LRP1B: variants seen among roughly 807,000 people sequenced by gnomAD.
The protein encoded by LRP1B is low-density lipoprotein receptor-related protein 1B.
LRP1B carries 217 observed loss-of-function variants against 556.6 expected under a neutral mutation model. That is an observed-to-expected ratio of 0.39 (90% confidence interval 0.35 to 0.44). LRP1B has a LOEUF of 0.44. Among genes scored for constraint, LRP1B ranks in the 20% least tolerant of loss-of-function variants. The pLI is 1.00. For missense variants in LRP1B, 5,053 were observed against 5,620.8 expected (o/e 0.90, Z 3.23); for synonymous variants, 2,047 against 1,865.8 (o/e 1.10, Z -2.50).
chr2:140,919,571 G>C (rs1177889980), intron 21 of LRP1B, among the ~76,000 whole-genome samples: 1 of 151,976 alleles, frequency 6.6e-6, no homozygotes, highest in African/African-American at 2.4e-5. Context: ...ATGTGGGACA[G>C]CTTTATTTCT....
At chr2:141,575,547 A>G (rs933462869) in intron 2 of LRP1B, among the ~76,000 whole-genome samples, 1 of 152,208 alleles carries the variant, frequency 6.6e-6, no homozygotes, top group African/African-American at 2.4e-5. Context: ...ATGGGCAAAG[A>G]CTTCATGACA....
rs556911702 is a variant in LRP1B, at chr2:141,850,999, G to T, written c.83-40598C>A. Among the ~76,000 whole-genome samples the T allele has an allele frequency of 6.6e-5, 10 of 151,754 alleles. No homozygotes were observed. The East Asian group carries it at 1.8e-3, about 27-fold the overall frequency. Reference sequence around the variant, plus strand: ...ACAGCCTTCCCATAAAATATTAACCGCTCACAATAAAATCCCTTCACAAGG... The same window carrying T: ...ACAGCCTTCCCATAAAATATTAACCTCTCACAATAAAATCCCTTCACAAGG... On this transcript the variant is annotated intron_variant, in intron 1 of 90. Coordinates refer to ENST00000389484, the MANE Select transcript of LRP1B (RefSeq NM_018557.3).
At chr2:141,426,256 C>T (rs955388106) in intron 3 of LRP1B, among the ~76,000 whole-genome samples, 1 of 151,726 alleles carries the variant, frequency 6.6e-6, no homozygotes, top group South Asian at 2.1e-4. Flanking sequence ...TTTTTGAGGG[C>T]TCTGTTCTGT....
intron 1 of LRP1B, among the ~76,000 whole-genome samples, chr2:141,845,778 A>C (rs1470128881): frequency 6.6e-6 from 1 of 152,048 alleles, no homozygotes; most frequent in Non-Finnish European, 1.5e-5. Context: ...ATAGAAAAAT[A>C]ACAAGAATAT....
intron 66 of LRP1B, among the ~76,000 whole-genome samples, chr2:140,396,877 C>T (rs902753623): frequency 6.6e-6 from 1 of 152,114 alleles, no homozygotes; most frequent in Non-Finnish European, 1.5e-5. Context: ...TTTTGGTTGT[C>T]AGCACTGATT....
At chr2:141,355,501 C>G (rs929063374) in intron 3 of LRP1B, among the ~76,000 whole-genome samples, 1 of 152,014 alleles carries the variant, frequency 6.6e-6, no homozygotes, top group African/African-American at 2.4e-5. Flanking sequence ...AACCACTAAT[C>G]TACTTTCCAC....
chr2:140,529,992 AG>A (rs1690617677), intron 47 of LRP1B, among the ~76,000 whole-genome samples: 29 of 152,122 alleles, frequency 1.9e-4, no homozygotes, highest in Admixed American at 1.9e-3. Flanking sequence ...CCCCAAAAAG[AG>A]AAGAAACCAA....
chr2:140,998,254 T>C (rs1054335933), intron 15 of LRP1B, among the ~76,000 whole-genome samples: 1 of 152,064 alleles, frequency 6.6e-6, no homozygotes, highest in Non-Finnish European at 1.5e-5. Flanking sequence ...GTAAGGCACA[T>C]TGAAAAATTC....
chr2:141,901,381 C>T (rs1699614773), intron 1 of LRP1B, among the ~76,000 whole-genome samples: 1 of 151,880 alleles, frequency 6.6e-6, no homozygotes, highest in African/African-American at 2.4e-5. Flanking sequence ...CAGTTTGCTG[C>T]AAAATTAGAT....
At chr2:141,929,941 C>T (rs1256716512) in intron 1 of LRP1B, among the ~76,000 whole-genome samples, 3 of 123,394 alleles carry the variant, frequency 2.4e-5, no homozygotes, top group African/African-American at 9.2e-5. Flanking sequence ...AAAAAAAAGA[C>T]AGTTAATGCA....
At chr2:141,818,816 G>A (rs1696655562) in intron 1 of LRP1B, among the ~76,000 whole-genome samples, 1 of 151,616 alleles carries the variant, frequency 6.6e-6, no homozygotes, top group Non-Finnish European at 1.5e-5. Flanking sequence ...GACTACAGGC[G>A]TGAGCTACCG....
At chr2:140,465,283 GA>G (rs1474527569) in intron 60 of LRP1B, among the ~76,000 whole-genome samples, 1 of 152,076 alleles carries the variant, frequency 6.6e-6, no homozygotes, top group African/African-American at 2.4e-5. Context: ...CCTCCCACCA[GA>G]CCCCAACTCT....
chr2:141,120,060 T>C (rs1701007546), intron 7 of LRP1B, among the ~76,000 whole-genome samples: 1 of 151,918 alleles, frequency 6.6e-6, no homozygotes, highest in Non-Finnish European at 1.5e-5. Flanking sequence ...GCAGTATGGG[T>C]ACCTTCCACT....
At chr2:140,904,646 A>C (rs10170474) in intron 22 of LRP1B, among the ~76,000 whole-genome samples, 75,968 of 151,868 alleles carry the variant, frequency 0.5, 19,979 homozygotes, top group Middle Eastern at 0.62. Flanking sequence ...TGTTTTCTCT[A>C]ACAATTCAAT....
Position 140,922,997 on chromosome 2 carries a change from T to A in LRP1B, c.3287A>T (p.Asp1096Val), listed in dbSNP as rs1694784862. 2 of 1,612,582 alleles carry A rather than the reference T, an allele frequency of 1.2e-6. No homozygotes were observed. The highest frequency in any genetic ancestry group is 1.7e-6 in the Non-Finnish European group (2 of 1,179,124). The change falls in exon 21 of 91, where the codon GAC becomes GTC. Residue 1096 changes from aspartate (D) to valine (V), a missense_variant. By Grantham distance (152) the Asp-to-Val change is radical. This residue lies in a region of LRP1B where 3,619 missense variants were observed against 3,931.9 expected (regional missense o/e 0.92). Transcript: ENST00000389484. ...CCAACAGGAAAACTTGGTTTTGTGG[T>A]CACACAATCGTATGGTACCATTGCA... ...KGCNGTIRLC[D>V]HKTKFSCWST...
intron 2 of LRP1B, among the ~76,000 whole-genome samples, chr2:141,498,100 A>G (rs999858454): frequency 2.6e-5 from 4 of 152,064 alleles, no homozygotes; most frequent in Non-Finnish European, 5.9e-5. Flanking sequence ...CCTATATAAC[A>G]TTAGTATTTG....
intron 7 of LRP1B, among the ~76,000 whole-genome samples, chr2:141,177,115 A>G (rs1680771095): frequency 6.6e-6 from 1 of 152,024 alleles, no homozygotes; most frequent in Non-Finnish European, 1.5e-5. Flanking sequence ...AATTATTATT[A>G]TTTGTTTTAA....
chr2:142,116,833 G>A (rs193238099), intron 1 of LRP1B, among the ~76,000 whole-genome samples: 70 of 152,210 alleles, frequency 4.6e-4, no homozygotes, highest in Middle Eastern at 3.4e-3. Context: ...TCAGTGTGTG[G>A]TAATAGAGCA....
chr2:140,966,506 C>T (rs1696227362), intron 18 of LRP1B, among the ~76,000 whole-genome samples: 1 of 152,134 alleles, frequency 6.6e-6, no homozygotes, highest in African/African-American at 2.4e-5. Flanking sequence ...GTTGCCTGTT[C>T]ACTCTGATGG....
Sources: gnomAD v4.1 joint callset for allele counts (sites outside exome capture counted in the v4.1 genomes callset) on GRCh38, gnomAD v4.1.1 for gene constraint, gnomAD v4.1.1 regional missense constraint, MANE v1.5 for transcripts, NCBI Gene and HGNC (gene_info 2026-07-23, HGNC 2026-07-21) for gene names.